Variants in SVIL observed in about 807,000 individuals in gnomAD.
SVIL encodes the protein archvillin.
A neutral mutation model predicts 240.4 loss-of-function variants in SVIL; 101 were observed. The observed-to-expected ratio is 0.42, with a 90% CI of 0.36 to 0.50. SVIL has a LOEUF of 0.50. SVIL is among the 20% of genes least tolerant of loss of function. The pLI is 0.01. For synonymous variants in SVIL, 999 were observed against 1,100.0 expected, an observed-to-expected ratio of 0.91 and a Z score of 1.82; for missense variants, 2,512 against 2,818.7, an observed-to-expected ratio of 0.89 and a Z score of 2.46.
chr10:29,471,908 C>A (rs1945627629), intron 30 of SVIL, among the ~76,000 whole-genome samples: 1 of 152,192 alleles, frequency 6.6e-6, no homozygotes, highest in African/African-American at 2.4e-5. Flanking sequence ...AACCAATTGC[C>A]ATTTTGTGGC....
chr10:29,486,474 A>C lies in SVIL; in HGVS notation c.4569T>G (p.Ile1523Met). Residue 1523 changes from isoleucine to methionine, a missense_variant, in exon 25 of 38, where the codon ATT becomes ATG. This residue lies in a region of SVIL where 797 missense variants were observed against 925.3 expected (regional missense o/e 0.86). Coordinates refer to ENST00000355867, the MANE Select transcript of SVIL (RefSeq NM_021738.3). The part of the protein sequence containing the change: ...ATYIQTIEEG[I>M]NTHTHAAKDF... ...CTTTGGCTGCATGAGTGTGTGTATT[A>C]ATTCCTTCTTCAATGGTTTGGATAT... 8.1e-6 allele frequency: 13 copies of C among 1,614,188 alleles called. No individual in the cohort carries two copies. The highest frequency in any genetic ancestry group is 1.1e-5 in the Non-Finnish European group (13 of 1,180,028).
At chr10:29,520,984 G>A (rs1016672467) in intron 16 of SVIL, among the ~76,000 whole-genome samples, 3 of 151,666 alleles carry the variant, frequency 2.0e-5, no homozygotes, top group African/African-American at 7.3e-5. Flanking sequence ...AGCACTTTGG[G>A]AGGCCGAGGC....
intron 16 of SVIL, among the ~76,000 whole-genome samples, chr10:29,514,946 A>G (rs1950112296): frequency 6.6e-6 from 1 of 152,246 alleles, no homozygotes; most frequent in Non-Finnish European, 1.5e-5. Context: ...ACGTATGTGT[A>G]CATAATCACA....
intron 6 of SVIL, among the ~76,000 whole-genome samples, chr10:29,542,074 A>G (rs1457139808): frequency 6.6e-6 from 1 of 152,206 alleles, no homozygotes; most frequent in Non-Finnish European, 1.5e-5. Flanking sequence ...TGTGTAGTTC[A>G]GCTGACGTTT....
chr10:29,557,159 G>A (rs370368223), intron 3 of SVIL, among the ~76,000 whole-genome samples: 14 of 151,372 alleles, frequency 9.2e-5, no homozygotes, highest in African/African-American at 2.4e-4. Context: ...GTAGAGGCAC[G>A]ATCTCGACTC....
rs1258821250 is a variant in SVIL at position 29,613,195 on chromosome 10, G to A, written c.-201+21225C>T. 3.4e-5 allele frequency among the ~76,000 whole-genome samples: 5 copies of A among 149,112 alleles called. No individual in the cohort carries two copies. The East Asian group carries it at 9.8e-4, about 29-fold the overall frequency. On this transcript the variant is annotated intron_variant, in intron 1 of 37. Coordinates refer to ENST00000355867, the MANE Select transcript of SVIL (RefSeq NM_021738.3). ...CTCAAAAAAAAAAAAAAAAAAAGAA[G>A]AAGGAGGAGGGATGCGGGCCGAATG... is the stretch of plus-strand genomic sequence containing the variant.
At chr10:29,704,744 C>T (rs1962771286) in intron 1 of SVIL, among the ~76,000 whole-genome samples, 1 of 152,142 alleles carries the variant, frequency 6.6e-6, no homozygotes, top group Non-Finnish European at 1.5e-5. Context: ...CTTGGCCATT[C>T]AGGTACCTGT....
In SVIL at chr10:29,572,778, A is replaced by AAAAG. The variant is rs1955497933; in HGVS notation, c.-200-3470_-200-3467dup. The stretch of plus-strand genomic sequence containing the variant: ...GATCCTATCTCAAAAAAAAAAAAAA[A>AAAAG]AAAGAAAAAGAAAAAGAAAAAAAGA... On this transcript the variant is annotated intron_variant, in intron 1 of 37. Transcript: ENST00000355867. 2.0e-5 allele frequency among the ~76,000 whole-genome samples: 3 copies of AAAAG among 146,858 alleles called. 1 individual carries two copies. Among genetic ancestry groups the AAAAG allele is most frequent in the African/African-American group, 5.2e-5 (2 of 38,310 alleles).
chr10:29,687,698 G>A (rs1961188252), intron 1 of SVIL, among the ~76,000 whole-genome samples: 3 of 152,122 alleles, frequency 2.0e-5, no homozygotes, highest in South Asian at 2.1e-4. Context: ...CAAAAACCCC[G>A]TAAATTTGCT....
chr10:29,529,919 C>T (rs1589131517), intron 11 of SVIL, 75 bp from the exon 12 acceptor site: 2 of 1,456,008 alleles, frequency 1.4e-6, no homozygotes, highest in Non-Finnish European at 1.8e-6. Flanking sequence ...GCCTGTAATC[C>T]CAGCACTTTG....
At chr10:29,719,706 C>T (rs1589574447) in intron 1 of SVIL, among the ~76,000 whole-genome samples, 2 of 152,088 alleles carry the variant, frequency 1.3e-5, no homozygotes, top group East Asian at 3.8e-4. Flanking sequence ...GGATTAATAG[C>T]AGGTAGACAT....
chr10:29,725,864 T>C (rs1015793651), intron 1 of SVIL, among the ~76,000 whole-genome samples: 1 of 152,188 alleles, frequency 6.6e-6, no homozygotes, highest in African/African-American at 2.4e-5. Context: ...CCATGGTACA[T>C]CCTTTATAGG....
chr10:29,729,988 G>A (rs545516137), intron 1 of SVIL, among the ~76,000 whole-genome samples: 14 of 151,152 alleles, frequency 9.3e-5, no homozygotes, highest in African/African-American at 2.7e-4. Context: ...CAGGGAGCTC[G>A]AGACCAGCCT....
intron 1 of SVIL, among the ~76,000 whole-genome samples, chr10:29,595,657 A>C (rs1198575732): frequency 6.6e-6 from 1 of 152,168 alleles, no homozygotes; most frequent in African/African-American, 2.4e-5. Context: ...ACAAAAATAC[A>C]TATGGCCCAG....
intron 5 of SVIL, among the ~76,000 whole-genome samples, chr10:29,551,482 C>T (rs1589223678): frequency 6.6e-6 from 1 of 152,232 alleles, no homozygotes; most frequent in South Asian, 2.1e-4. Context: ...GAATGGTGCA[C>T]GTTCTGCAAG....
chr10:29,490,714 ACTC>A lies in SVIL; in HGVS notation c.4192+130_4192+132del, dbSNP rs1947876479. 3 of 1,076,868 alleles carry A rather than the reference ACTC, an allele frequency of 2.8e-6. No homozygotes were observed. The African/African-American group carries it at 4.8e-5, about 17-fold the overall frequency. The allele number at this position is 1,076,868 out of a possible 1,614,324, so 66.7% of individuals were successfully genotyped here. A position where few individuals can be genotyped will look rare whatever the true frequency, so the allele number is the denominator to read the frequency against. ...TGCGTGCACATGTATGTGCAAACTT[ACTC>A]CTTTTTACTTCATGAGGGTCTTCTG... is the stretch of plus-strand genomic sequence containing the variant. On this transcript the variant is annotated intron_variant, in intron 22 of 37. Transcript: ENST00000355867.
chr10:29,496,299 GA>G (rs1163296428), intron 18 of SVIL: 1 of 405,758 alleles, frequency 2.5e-6, no homozygotes, highest in Non-Finnish European at 4.9e-6. Context: ...TCAATTGCCA[GA>G]ACTGCAAAGG....
chr10:29,656,168 C>T (rs554601933), intron 3 of SVIL, among the ~76,000 whole-genome samples: 12 of 151,280 alleles, frequency 7.9e-5, no homozygotes, highest in East Asian at 1.9e-4. Flanking sequence ...CGTGCCTGGC[C>T]GAGTGTGAGT....
At chr10:29,585,276 G>A (rs568682232) in intron 1 of SVIL, among the ~76,000 whole-genome samples, 1 of 152,096 alleles carries the variant, frequency 6.6e-6, no homozygotes, top group South Asian at 2.1e-4. Flanking sequence ...TGCCCAGGTT[G>A]GTCTTGAATT....
Sources: gnomAD v4.1 joint callset for allele counts (sites outside exome capture counted in the v4.1 genomes callset) on GRCh38, gnomAD v4.1.1 for gene constraint, gnomAD v4.1.1 regional missense constraint, MANE v1.5 for transcripts, NCBI Gene and HGNC (gene_info 2026-07-23, HGNC 2026-07-21) for gene names.